Variants in TUSC3 observed in about 807,000 individuals in gnomAD.
The protein encoded by TUSC3 is dolichyl-diphosphooligosaccharide--protein glycosyltransferase subunit TUSC3.
In TUSC3, 45 loss-of-function variants were observed where a neutral mutation model predicts 44.8. The observed-to-expected ratio is 1.00, with a 90% CI of 0.79 to 1.29. The LOEUF (loss-of-function observed/expected upper bound fraction) is 1.29. Ranked by LOEUF, TUSC3 falls within the 50% of genes most tolerant of loss-of-function variation. TUSC3 has a pLI of 0.00. For synonymous variants in TUSC3, 212 were observed against 152.9 expected (o/e 1.39, Z -2.85); for missense variants, 519 against 437.9 (o/e 1.19, Z -1.65).
At chr8:15,755,090 C>CTGTT (rs1247072555) in intron 9 of TUSC3, among the ~76,000 whole-genome samples, 1 of 152,098 alleles carries the variant, frequency 6.6e-6, no homozygotes, top group African/African-American at 2.4e-5. Flanking sequence ...ACGTATGAAT[C>CTGTT]TGTCTCATGC....
Position 15,738,827 on chromosome 8 carries a change from C to CTTTTTTTTTTCTTTCT in TUSC3, c.863-4701_863-4700insCTTTCTTTTTTTTTTT, listed in dbSNP as rs1373248681. On this transcript the variant is annotated intron_variant, in intron 7 of 10. Transcript: ENST00000503731. ...ACAAAATTACTATTAATATATCTTGCTTTTTTTTTTTTTTTTTTTTTTTGA... is the reference window on the plus strand; with the variant it reads ...ACAAAATTACTATTAATATATCTTGCTTTTTTTTTTCTTTCTTTTTTTTTTTTTTTTTTTTTTTTGA... Among the ~76,000 whole-genome samples, 698 of 87,224 alleles carry CTTTTTTTTTTCTTTCT rather than the reference C, an allele frequency of 8.0e-3. 17 individuals carry two copies. The highest frequency in any genetic ancestry group is 0.018 in the East Asian group (47 of 2,672). The allele number at this position is 87,224 out of a possible 152,430, so 57.2% of individuals were successfully genotyped here.
In TUSC3 at chr8:15,717,041, T is replaced by C. The variant is rs962630876; in HGVS notation, c.799-13625T>C. Among the ~76,000 whole-genome samples the C allele has an allele frequency of 1.2e-4, 19 of 152,138 alleles. 1 individual carries two copies. Among genetic ancestry groups the C allele is most frequent in the Non-Finnish European group, 1.5e-5 (1 of 67,978 alleles). ...ATTTGAAACCAGTTCTCTTTTATGG[T>C]CCTCTGTAACTAATATCATTTTCCC... On this transcript the variant is annotated intron_variant, in intron 6 of 10. Transcript: ENST00000503731.
At chr8:15,622,229 T>C (rs1805280082) in intron 1 of TUSC3, among the ~76,000 whole-genome samples, 1 of 152,098 alleles carries the variant, frequency 6.6e-6, no homozygotes, top group Non-Finnish European at 1.5e-5. Flanking sequence ...TGTTGTAGAG[T>C]TGTTAACTTC....
At chr8:15,422,084 G>A (rs1799745025) in intron 1 of TUSC3, among the ~76,000 whole-genome samples, 1 of 151,966 alleles carries the variant, frequency 6.6e-6, no homozygotes, top group African/African-American at 2.4e-5. Flanking sequence ...CCATCTTTCT[G>A]ATACTCTTAT....
chr8:15,432,612 A>G (rs528972701), intron 1 of TUSC3, among the ~76,000 whole-genome samples: 18 of 152,304 alleles, frequency 1.2e-4, no homozygotes, highest in Admixed American at 3.3e-4. Flanking sequence ...AAAGTGCTAT[A>G]AAGAAGCCTT....
chr8:15,836,624 C>T, the TUSC3 span, among the ~76,000 whole-genome samples: 1 of 152,028 alleles, frequency 6.6e-6, no homozygotes, highest in East Asian at 1.9e-4. Context: ...GGACTGTAAA[C>T]CTTTACAATT....
chr8:15,799,590 A>G, the TUSC3 span, among the ~76,000 whole-genome samples: 4 of 152,114 alleles, frequency 2.6e-5, no homozygotes, highest in African/African-American at 4.8e-5. Context: ...GTGAAGTACT[A>G]TTTATTGTCC....
At chr8:15,421,185 C>G (rs566899866) in intron 1 of TUSC3, among the ~76,000 whole-genome samples, 2 of 145,782 alleles carry the variant, frequency 1.4e-5, no homozygotes, top group South Asian at 4.4e-4. Flanking sequence ...TTATAGTTAA[C>G]TTCCTTAAAG....
chr8:15,515,255 A>G (rs1436914234), intron 2 of TUSC3, among the ~76,000 whole-genome samples: 1 of 152,186 alleles, frequency 6.6e-6, no homozygotes, highest in East Asian at 1.9e-4. Context: ...CAACTAAAAA[A>G]TGAAAAAATG....
At chr8:15,483,179 T>G (rs911417466) in intron 1 of TUSC3, among the ~76,000 whole-genome samples, 2 of 152,236 alleles carry the variant, frequency 1.3e-5, no homozygotes, top group Non-Finnish European at 2.9e-5. Context: ...TATTAAATTT[T>G]TTATATTTTG....
At chr8:15,600,287 A>G (rs931885086) in intron 1 of TUSC3, among the ~76,000 whole-genome samples, 1 of 151,760 alleles carries the variant, frequency 6.6e-6, no homozygotes, top group Non-Finnish European at 1.5e-5. Context: ...AGATAAAATA[A>G]TGTTGTGGTA....
chr8:15,551,472 T>C (rs1482852265), intron 1 of TUSC3, among the ~76,000 whole-genome samples: 2 of 151,674 alleles, frequency 1.3e-5, no homozygotes, highest in African/African-American at 4.8e-5. Flanking sequence ...ATATGATTCG[T>C]GGGGGGTAAC....
intron 3 of TUSC3, among the ~76,000 whole-genome samples, chr8:15,653,534 A>G (rs1469906645): frequency 6.6e-6 from 1 of 152,212 alleles, no homozygotes; most frequent in East Asian, 1.9e-4. Flanking sequence ...AGTTGAAGTC[A>G]GTTGTTTTTA....
At chr8:15,847,026 A>G in the TUSC3 span, among the ~76,000 whole-genome samples, 1 of 152,152 alleles carries the variant, frequency 6.6e-6, no homozygotes, top group South Asian at 2.1e-4. Context: ...GGGCTACTTC[A>G]GCATAACGCC....
At chr8:15,587,711 C>A (rs1483708853) in intron 1 of TUSC3, among the ~76,000 whole-genome samples, 1 of 152,064 alleles carries the variant, frequency 6.6e-6, no homozygotes, top group African/African-American at 2.4e-5. Context: ...ACCAACCTCA[C>A]CCTATCCTCT....
chr8:15,763,891 A>G (rs963460993), intron 10 of TUSC3, among the ~76,000 whole-genome samples: 1 of 152,020 alleles, frequency 6.6e-6, no homozygotes, highest in South Asian at 2.1e-4. Flanking sequence ...TATTTCCCCT[A>G]CATTACCATT....
At position 15,673,817 on chromosome 8, in the gene TUSC3, A is replaced by C; in HGVS notation, c.779A>C (p.Asn260Thr). The part of the protein sequence containing the change: ...HIRGPPYAHK[N>T]PHNGQVSYIH... ...CGTGGACCTCCATATGCTCATAAGAACCCACACAATGGACAAGTGGTAAGT... is the reference window on the plus strand; with the variant it reads ...CGTGGACCTCCATATGCTCATAAGACCCCACACAATGGACAAGTGGTAAGT... Residue 260 changes from asparagine to threonine, a missense_variant, in exon 6 of 11, where the codon AAC becomes ACC. By Grantham distance (65) the Asn-to-Thr change is moderately conservative. Transcript: ENST00000503731. 3 of 1,612,676 alleles carry C rather than the reference A, an allele frequency of 1.9e-6. No individual in the cohort carries two copies. The highest frequency in any genetic ancestry group is 2.5e-6 in the Non-Finnish European group (3 of 1,179,006).
chr8:15,829,999 G>T, the TUSC3 span, among the ~76,000 whole-genome samples: 2 of 152,216 alleles, frequency 1.3e-5, no homozygotes, highest in South Asian at 2.1e-4. Flanking sequence ...TGGCTGGTGT[G>T]AGATGGTGTC....
At chr8:15,553,390 C>T (rs897693442) in intron 1 of TUSC3, among the ~76,000 whole-genome samples, 2 of 151,442 alleles carry the variant, frequency 1.3e-5, no homozygotes, top group South Asian at 4.2e-4. Flanking sequence ...CCTTGGACTT[C>T]GTTGCTGGAG....
Sources: allele counts gnomAD v4.1 joint callset (sites outside exome capture counted in the v4.1 genomes callset), GRCh38; gene constraint gnomAD v4.1.1; transcripts MANE v1.5; gene names NCBI Gene and HGNC (gene_info 2026-07-23, HGNC 2026-07-21).